The following RBFOX1 variants were observed in gnomAD, a reference collection of about 807,000 sequenced individuals.
RBFOX1 encodes the protein RNA binding fox-1 homolog 1, also known as RNA binding protein fox-1 homolog 1.
In RBFOX1, 8 loss-of-function variants were observed where a neutral mutation model predicts 57.7. That is an observed-to-expected ratio of 0.14 (90% CI 0.08 to 0.25). RBFOX1 has a LOEUF of 0.25. Ranked by LOEUF, RBFOX1 falls within the 10% of genes least tolerant of loss-of-function variation. The probability of loss-of-function intolerance (pLI) is 1.00; values close to 1 mark genes in which losing one functional copy is unlikely to be tolerated. For missense variants in RBFOX1, 611 were observed against 548.5 expected (o/e 1.11, Z -1.14); for synonymous variants, 326 against 222.4 (o/e 1.47, Z -4.15).
intron 4 of RBFOX1, among the ~76,000 whole-genome samples, chr16:7,183,584 ATT>A (rs111797527): frequency 6.6e-6 from 1 of 152,016 alleles, no homozygotes; most frequent in African/African-American, 2.4e-5. Flanking sequence ...ACATGTGTGT[ATT>A]TTTTTTCCAG....
At chr16:7,187,205 C>G (rs9936358) in intron 4 of RBFOX1, among the ~76,000 whole-genome samples, 98,443 of 151,626 alleles carry the variant, frequency 0.65, 32,792 homozygotes, top group African/African-American at 0.8. Context: ...ATGTAGCTCT[C>G]TAGTCATTTT....
chr16:6,627,411 G>T (rs1039610565), intron 2 of RBFOX1, among the ~76,000 whole-genome samples: 1 of 152,074 alleles, frequency 6.6e-6, no homozygotes, highest in Non-Finnish European at 1.5e-5. Context: ...TGGAGAGAAA[G>T]AAAAACTTTT....
At chr16:6,768,657 C>T (rs566917419) in intron 3 of RBFOX1, among the ~76,000 whole-genome samples, 3 of 150,328 alleles carry the variant, frequency 2.0e-5, no homozygotes, top group South Asian at 2.1e-4. Flanking sequence ...CATTAGTATG[C>T]GTATGTACAG....
intron 5 of RBFOX1, among the ~76,000 whole-genome samples, chr16:7,548,934 C>T (rs1391425744): frequency 6.6e-6 from 1 of 152,176 alleles, no homozygotes; most frequent in Non-Finnish European, 1.5e-5. Flanking sequence ...GAATGTTGAA[C>T]ATGCAGACCA....
intron 2 of RBFOX1, among the ~76,000 whole-genome samples, chr16:5,537,212 A>G (rs1214675401): frequency 1.3e-5 from 2 of 152,152 alleles, no homozygotes; most frequent in Admixed American, 6.5e-5. Flanking sequence ...ATATATATTA[A>G]CAATCTGTTC....
At chr16:6,041,198 C>T (rs751120183) in intron 1 of RBFOX1, among the ~76,000 whole-genome samples, 44 of 152,172 alleles carry the variant, frequency 2.9e-4, no homozygotes, top group Non-Finnish European at 2.6e-4. Context: ...GTTAGAATCA[C>T]ATGATATGCA....
At chr16:6,652,944 G>C (rs2098608571) in intron 2 of RBFOX1, among the ~76,000 whole-genome samples, 1 of 152,158 alleles carries the variant, frequency 6.6e-6, no homozygotes, top group Admixed American at 6.5e-5. Context: ...AACTCTGAGT[G>C]GTTTCTCACT....
intron 3 of RBFOX1, among the ~76,000 whole-genome samples, chr16:6,914,057 A>G (rs1253000617): frequency 2.0e-5 from 3 of 152,242 alleles, no homozygotes; most frequent in Non-Finnish European, 4.4e-5. Context: ...ATTCTGGGTT[A>G]GAAACCCATC....
At position 6,484,042 on chromosome 16, in the gene RBFOX1, C is replaced by T. The variant is rs535074360; in HGVS notation, c.-64+166985C>T. The T allele has an allele frequency of 4.6e-4, 280 of 604,440 alleles. 1 individual carries two copies. Among genetic ancestry groups the T allele is most frequent in the Non-Finnish European group, 5.6e-4 (269 of 481,112 alleles). The allele number at this position is 604,440 out of a possible 1,614,324, so 37.4% of individuals were successfully genotyped here. A position where few individuals can be genotyped will look rare whatever the true frequency, so the allele number is the denominator to read the frequency against. ...GGGGGCGTTTAGAGGGATTGGGGAG[C>T]CCGGAGATGCATCGATTTTCTTTAC... On this transcript the variant is annotated intron_variant, in intron 2 of 15. Coordinates refer to ENST00000550418, the MANE Select transcript of RBFOX1 (RefSeq NM_018723.4).
chr16:6,944,339 G>A (rs2079080655), intron 3 of RBFOX1, among the ~76,000 whole-genome samples: 1 of 150,286 alleles, frequency 6.7e-6, no homozygotes, highest in Non-Finnish European at 1.5e-5. Flanking sequence ...AGGTTGCAGT[G>A]TGCCAAGATT....
At chr16:7,214,675 A>G (rs553918519) in intron 4 of RBFOX1, among the ~76,000 whole-genome samples, 144 of 152,212 alleles carry the variant, frequency 9.5e-4, no homozygotes, top group Middle Eastern at 3.4e-3. Flanking sequence ...AGCCCTGCAC[A>G]TAAAATCCAG....
chr16:7,357,820 T>C (rs1056005417), intron 4 of RBFOX1, among the ~76,000 whole-genome samples: 2 of 152,236 alleles, frequency 1.3e-5, no homozygotes, highest in African/African-American at 4.8e-5. Flanking sequence ...TCCCCTTCCT[T>C]ACTTTGTTAC....
chr16:5,985,499 G>A (rs2060268239), intron 4 of RBFOX1, among the ~76,000 whole-genome samples: 1 of 152,142 alleles, frequency 6.6e-6, no homozygotes, highest in African/African-American at 2.4e-5. Flanking sequence ...ACAGAAGCTG[G>A]TATTAGGTTG....
chr16:7,065,423 T>C (rs2055733548), intron 4 of RBFOX1, among the ~76,000 whole-genome samples: 1 of 152,194 alleles, frequency 6.6e-6, no homozygotes, highest in Non-Finnish European at 1.5e-5. Context: ...CTCGTTCCTC[T>C]GTCCACATGC....
chr16:5,452,556 T>A (rs2068459585), intron 1 of RBFOX1, among the ~76,000 whole-genome samples: 1 of 152,130 alleles, frequency 6.6e-6, no homozygotes, highest in Non-Finnish European at 1.5e-5. Flanking sequence ...CAATTCCCAT[T>A]TGTTCCTCTG....
intron 1 of RBFOX1, among the ~76,000 whole-genome samples, chr16:5,404,243 C>G (rs1288869462): frequency 1.3e-5 from 2 of 152,154 alleles, no homozygotes; most frequent in African/African-American, 2.4e-5. Context: ...GACTTGACCA[C>G]TATGCAATCT....
Position 6,863,131 on chromosome 16 carries a change from G to T in RBFOX1, c.-15-188926G>T, listed in dbSNP as rs374135546. On this transcript the variant is annotated intron_variant, in intron 3 of 15. Transcript: ENST00000550418. Reference sequence around the variant, plus strand: ...TTATTGGTGGGAGAGTGGATGAAGAGAAATTAATAAGCAGGGGATCAAAAG... The same window carrying T: ...TTATTGGTGGGAGAGTGGATGAAGATAAATTAATAAGCAGGGGATCAAAAG... Among the ~76,000 whole-genome samples, 128 of 152,170 alleles carry T rather than the reference G, an allele frequency of 8.4e-4. 1 individual carries two copies. The highest frequency in any genetic ancestry group is 3.0e-3 in the African/African-American group (125 of 41,524).
chr16:6,013,341 G>C (rs768554840), intron 4 of RBFOX1, among the ~76,000 whole-genome samples: 7 of 152,168 alleles, frequency 4.6e-5, no homozygotes, highest in Non-Finnish European at 7.3e-5. Context: ...ACTTGAATCT[G>C]ATGAAGCTCA....
intron 11 of RBFOX1, among the ~76,000 whole-genome samples, chr16:7,632,698 T>G (rs1422146002): frequency 6.6e-6 from 1 of 152,238 alleles, no homozygotes; most frequent in Non-Finnish European, 1.5e-5. Flanking sequence ...TATTTTTTTC[T>G]CTAACATTGC....
Sources: gnomAD v4.1 joint callset for allele counts (sites outside exome capture counted in the v4.1 genomes callset) on GRCh38, gnomAD v4.1.1 for gene constraint, MANE v1.5 for transcripts, NCBI Gene and HGNC (gene_info 2026-07-23, HGNC 2026-07-21) for gene names.